Variants in MCTP1 observed in about 807,000 individuals in gnomAD.
MCTP1 encodes multiple C2 and transmembrane domain-containing protein 1.
Under a neutral mutation model 120.6 loss-of-function variants are expected in MCTP1, and 69 were observed. The ratio of observed to expected loss-of-function variants is 0.57; its 90% CI spans 0.47 to 0.70. The LOEUF is 0.70. Among genes scored for constraint, MCTP1 ranks in the 30% least tolerant of loss-of-function variants. The pLI is 0.00. For missense variants in MCTP1, 1,203 were observed against 1,248.8 expected (o/e 0.96, Z 0.55); for synonymous variants, 529 against 493.1 (o/e 1.07, Z -0.96).
At chr5:94,711,227 CTTT>C (rs1756865397) in intron 20 of MCTP1, among the ~76,000 whole-genome samples, 1 of 152,060 alleles carries the variant, frequency 6.6e-6, no homozygotes, top group African/African-American at 2.4e-5. Context: ...TATTTTTCTT[CTTT>C]ATTTTTCTAC....
chr5:94,783,584 T>C (rs1777025643), intron 18 of MCTP1, among the ~76,000 whole-genome samples: 1 of 152,058 alleles, frequency 6.6e-6, no homozygotes, highest in African/African-American at 2.4e-5. Flanking sequence ...AAGGATGCAG[T>C]AACAAGAAAA....
chr5:95,006,497 G>T (rs1160202388), intron 2 of MCTP1, among the ~76,000 whole-genome samples: 1 of 152,130 alleles, frequency 6.6e-6, no homozygotes, highest in Non-Finnish European at 1.5e-5. Flanking sequence ...ACATTAGAAT[G>T]CATGGAAATA....
At chr5:95,092,404 G>C (rs1755913783) in intron 1 of MCTP1, among the ~76,000 whole-genome samples, 1 of 152,200 alleles carries the variant, frequency 6.6e-6, no homozygotes, top group Non-Finnish European at 1.5e-5. Flanking sequence ...AATCCAGCTA[G>C]ATAGGAGGAA....
intron 17 of MCTP1, chr5:94,826,433 A>T (rs753430881): frequency 4.5e-5 from 30 of 668,672 alleles, no homozygotes; most frequent in Middle Eastern, 4.1e-4. Context: ...ACAAATGCCA[A>T]TTTGGGTTCT....
chr5:95,271,207 A>G (rs1015893779), intron 1 of MCTP1, among the ~76,000 whole-genome samples: 1 of 152,230 alleles, frequency 6.6e-6, no homozygotes, highest in Non-Finnish European at 1.5e-5. Context: ...AAGAGGATGA[A>G]GAAAGTAATA....
chr5:94,821,114 AGTTGCT>A (rs1374796574), intron 17 of MCTP1, among the ~76,000 whole-genome samples: 1 of 152,194 alleles, frequency 6.6e-6, no homozygotes, highest in African/African-American at 2.4e-5. Context: ...ATAGTGCTAG[AGTTGCT>A]TTGACGGAAC....
At chr5:95,269,881 G>T (rs925516091) in intron 1 of MCTP1, among the ~76,000 whole-genome samples, 1 of 152,212 alleles carries the variant, frequency 6.6e-6, no homozygotes, top group Admixed American at 6.5e-5. Context: ...TGAGGTTTAA[G>T]TGAGACAATG....
chr5:94,861,071 C>T (rs561325852), intron 17 of MCTP1, among the ~76,000 whole-genome samples: 1 of 151,856 alleles, frequency 6.6e-6, no homozygotes, highest in East Asian at 1.9e-4. Flanking sequence ...GTTATTTCAG[C>T]TATTTGAGCC....
At chr5:95,085,668 A>G (rs1755377726) in intron 1 of MCTP1, among the ~76,000 whole-genome samples, 1 of 152,070 alleles carries the variant, frequency 6.6e-6, no homozygotes, top group Non-Finnish European at 1.5e-5. Flanking sequence ...GTATTTCCAA[A>G]CTGCATCCCA....
rs555651828 is a variant in MCTP1 at position 95,201,916 on chromosome 5, C to T, written c.720+81940G>A. 5.9e-5 allele frequency among the ~76,000 whole-genome samples: 9 copies of T among 152,264 alleles called. No homozygotes were observed. In the East Asian group the frequency reaches 1.5e-3, roughly 26 times the overall value. On this transcript the variant is annotated intron_variant, in intron 1 of 22. Transcript: ENST00000515393. The stretch of plus-strand genomic sequence containing the variant: ...TTTCCTTGAAAAAGGTATTGCTACT[C>T]TGTGTTCTAACATCTGGTATGGGGA...
At chr5:95,233,448 C>G (rs1005300948) in intron 1 of MCTP1, among the ~76,000 whole-genome samples, 2 of 152,024 alleles carry the variant, frequency 1.3e-5, no homozygotes, top group African/African-American at 4.8e-5. Flanking sequence ...TCTGCCTCAG[C>G]CTCCCAAGTA....
At chr5:95,206,206 T>G (rs892843263) in intron 1 of MCTP1, among the ~76,000 whole-genome samples, 7 of 152,322 alleles carry the variant, frequency 4.6e-5, no homozygotes, top group African/African-American at 1.7e-4. Context: ...ATTAATGAAG[T>G]ACTAATACAT....
At chr5:94,937,216 T>C (rs1173751129) in intron 5 of MCTP1, among the ~76,000 whole-genome samples, 2 of 152,028 alleles carry the variant, frequency 1.3e-5, no homozygotes, top group Non-Finnish European at 1.5e-5. Flanking sequence ...TGCAGCAAAG[T>C]GAATGCAGTG....
chr5:95,103,099 T>C (rs184052940), intron 1 of MCTP1, among the ~76,000 whole-genome samples: 1 of 151,832 alleles, frequency 6.6e-6, no homozygotes, highest in Non-Finnish European at 1.5e-5. Flanking sequence ...ACAAAGACTG[T>C]TATTATTGTT....
Position 94,705,437 on chromosome 5 carries a change from TC to T in MCTP1, c.*2058del, listed in dbSNP as rs1461577693. The stretch of plus-strand genomic sequence containing the variant: ...AAAGGTCTTATTTGTTTAAACCAAA[TC>T]TGTTTTTCTCCAAGTGACATATAGT... On this transcript the variant is annotated 3_prime_UTR_variant, in exon 23 of 23. Coordinates refer to ENST00000515393, the MANE Select transcript of MCTP1 (RefSeq NM_024717.7). The T allele has an allele frequency of 6.7e-6, 1 of 150,334 alleles. No individual in the cohort carries two copies. 9.3% of individuals were successfully genotyped at this position (150,334 alleles called of 1,614,324 possible). A position where few individuals can be genotyped will look rare whatever the true frequency, so the allele number is the denominator to read the frequency against.
chr5:94,747,854 G>A (rs1561566310), intron 19 of MCTP1, among the ~76,000 whole-genome samples: 1 of 152,146 alleles, frequency 6.6e-6, no homozygotes, highest in Non-Finnish European at 1.5e-5. Flanking sequence ...ACCTTGGGAG[G>A]CCAAGACAGG....
intron 2 of MCTP1, among the ~76,000 whole-genome samples, chr5:94,989,562 C>T (rs1216972619): frequency 6.6e-6 from 1 of 152,124 alleles, no homozygotes; most frequent in African/African-American, 2.4e-5. Context: ...TTTTAGTCCC[C>T]AGTCTGACAC....
rs370326051 is a variant in MCTP1 at position 94,917,906 on chromosome 5, T to G, written c.1340A>C (p.Lys447Thr). 9.3e-6 allele frequency: 15 copies of G among 1,613,640 alleles called. No individual in the cohort carries two copies. The highest frequency in any genetic ancestry group is 1.3e-5 in the Non-Finnish European group (15 of 1,179,582). ...CRAELQNPYC[K>T]NVQFQTQSLR... Reference sequence around the variant, plus strand: ...AATGGTTGAACTTACTTGTACATTTTTGCAATAAGGATTCTGAAGCTCTGC... The same window carrying G: ...AATGGTTGAACTTACTTGTACATTTGTGCAATAAGGATTCTGAAGCTCTGC... The change falls in exon 8 of 23, where the codon AAA becomes ACA. Residue 447 changes from lysine (K) to threonine (T), a missense_variant. Lys to Thr is a moderately conservative substitution (Grantham distance 78). Coordinates refer to ENST00000515393, the MANE Select transcript of MCTP1 (RefSeq NM_024717.7).
intron 1 of MCTP1, among the ~76,000 whole-genome samples, chr5:95,270,139 AT>A (rs924288935): frequency 6.1e-4 from 93 of 151,884 alleles, no homozygotes; most frequent in African/African-American, 2.2e-3. Context: ...GTAAGGAATA[AT>A]TTTTTTTTAA....
Sources: allele counts gnomAD v4.1 joint callset (sites outside exome capture counted in the v4.1 genomes callset), GRCh38; gene constraint gnomAD v4.1.1; transcripts MANE v1.5; gene names NCBI Gene and HGNC (gene_info 2026-07-23, HGNC 2026-07-21).